Variants in GPNMB observed in about 807,000 individuals in gnomAD.
GPNMB encodes transmembrane glycoprotein NMB.
In GPNMB, 71 loss-of-function variants were observed where a neutral mutation model predicts 57.3. That is an observed-to-expected ratio of 1.24 (90% CI 1.02 to 1.51). GPNMB has a LOEUF of 1.51. GPNMB is among the 40% of genes most tolerant of loss of function. The pLI is 0.00. For missense variants in GPNMB, 677 were observed against 691.9 expected, an observed-to-expected ratio of 0.98 and a Z score of 0.24; for synonymous variants, 253 against 263.2, an observed-to-expected ratio of 0.96 and a Z score of 0.38.
At chr7:23,250,001 A>G (rs1330867875) in intron 1 of GPNMB, among the ~76,000 whole-genome samples, 1 of 152,216 alleles carries the variant, frequency 6.6e-6, no homozygotes, top group Non-Finnish European at 1.5e-5. Context: ...ATAGGGATAT[A>G]GTGATATTTC....
In GPNMB at chr7:23,260,732, C is replaced by G. The variant is rs146578444; in HGVS notation, c.977C>G (p.Pro326Arg). The G allele has an allele frequency of 6.3e-7, 1 of 1,590,064 alleles. No individual in the cohort carries two copies. The highest frequency in any genetic ancestry group is 8.6e-7 in the Non-Finnish European group (1 of 1,165,018). Residue 326 changes from proline to arginine, a missense_variant, in exon 6 of 11, where the codon CCG (proline) becomes CGG (arginine). Pro to Arg is a moderately radical substitution (Grantham distance 103). Coordinates refer to ENST00000258733, the MANE Select transcript of GPNMB (RefSeq NM_002510.3). ...KAAAPGPCPP[P>R]PPPPRPSKPT... is the part of the protein sequence containing the mutation. ...GCAGCACCAGGACCTTGTCCGCCACCGCCACCACCACCCAGACCTTCAAAA... is the reference window on the plus strand; with the variant it reads ...GCAGCACCAGGACCTTGTCCGCCACGGCCACCACCACCCAGACCTTCAAAA...
intron 6 of GPNMB, among the ~76,000 whole-genome samples, chr7:23,264,862 T>C (rs1358626857): frequency 6.6e-6 from 1 of 152,226 alleles, no homozygotes; most frequent in Admixed American, 6.5e-5. Context: ...AAATTCTGCC[T>C]GTCAAGAACT....
At chr7:23,247,145 A>T in intron 1 of GPNMB, 1 of 569,122 alleles carries the variant, frequency 1.8e-6, no homozygotes, top group South Asian at 2.0e-5. Context: ...GAAAGTAAAA[A>T]CTATGCTGCC....
At chr7:23,271,554 G>C (rs1484306679) in intron 9 of GPNMB, among the ~76,000 whole-genome samples, 1 of 152,236 alleles carries the variant, frequency 6.6e-6, no homozygotes, top group Non-Finnish European at 1.5e-5. Flanking sequence ...CCAGCACTTT[G>C]GGAGGCCAAG....
intron 1 of GPNMB, among the ~76,000 whole-genome samples, chr7:23,252,887 C>T (rs1212747427): frequency 6.6e-6 from 1 of 152,000 alleles, no homozygotes; most frequent in African/African-American, 2.4e-5. Context: ...TAGTACGTGT[C>T]GCTTGGAATC....
chr7:23,248,311 T>C (rs192304234), intron 1 of GPNMB, among the ~76,000 whole-genome samples: 1 of 152,188 alleles, frequency 6.6e-6, no homozygotes, highest in East Asian at 1.9e-4. Flanking sequence ...ATAGACCCGA[T>C]GGGGGACACC....
chr7:23,262,973 A>G, intron 6 of GPNMB, among the ~76,000 whole-genome samples: 1 of 152,188 alleles, frequency 6.6e-6, no homozygotes, highest in Admixed American at 6.5e-5. Flanking sequence ...AACTACAATT[A>G]TAACTGTATT....
intron 4 of GPNMB, 29 bp downstream of exon 4, chr7:23,257,094 T>C (rs1479235014): frequency 6.3e-7 from 1 of 1,576,736 alleles, no homozygotes; most frequent in Non-Finnish European, 8.7e-7. Context: ...CTAAGCTTCT[T>C]CTTTACCTTT....
chr7:23,249,344 A>C (rs1431086254), intron 1 of GPNMB, among the ~76,000 whole-genome samples: 1 of 152,252 alleles, frequency 6.6e-6, no homozygotes. Context: ...ATCATCATGC[A>C]AAACAGGACA....
intron 6 of GPNMB, chr7:23,266,300 C>A: frequency 3.7e-6 from 2 of 543,224 alleles, no homozygotes. Flanking sequence ...TGGGATTATG[C>A]TTCCTTACAT....
intron 6 of GPNMB, among the ~76,000 whole-genome samples, chr7:23,261,322 G>A (rs1342389863): frequency 1.3e-5 from 2 of 152,308 alleles, no homozygotes; most frequent in East Asian, 3.9e-4. Flanking sequence ...CATTAAAATT[G>A]TGCTGCATCG....
chr7:23,271,158 T>C (rs1390506123), intron 9 of GPNMB, among the ~76,000 whole-genome samples: 8 of 152,224 alleles, frequency 5.3e-5, no homozygotes. Context: ...CTCTCGCATG[T>C]GCAGTTCACA....
In GPNMB at chr7:23,260,648, C is replaced by G. The variant is rs764600305; in HGVS notation, c.893C>G (p.Thr298Ser). 6.2e-7 allele frequency: 1 copy of G among 1,613,904 alleles called. No homozygotes were observed. The highest frequency in any genetic ancestry group is 8.5e-7 in the Non-Finnish European group (1 of 1,179,798). The change falls in exon 6 of 11, where the codon ACT becomes AGT. Residue 298 changes from threonine to serine, a missense_variant. Physicochemically the swap from Thr to Ser is moderately conservative, Grantham distance 58. Coordinates refer to ENST00000258733, the MANE Select transcript of GPNMB (RefSeq NM_002510.3). ...GGCCTGTTTGTTTCCACCAATCATA[C>G]TGTGAATCACACGTATGTGCTCAAT... ...NTGLFVSTNH[T>S]VNHTYVLNGT...
intron 1 of GPNMB, among the ~76,000 whole-genome samples, chr7:23,248,352 A>G (rs1448502338): frequency 6.6e-6 from 1 of 152,100 alleles, no homozygotes; most frequent in Non-Finnish European, 1.5e-5. Context: ...TCACCAGTCC[A>G]CTTCGCTCTG....
chr7:23,260,776 A>G lies in GPNMB; in HGVS notation c.1018+3A>G. The G allele has an allele frequency of 6.5e-7, 1 of 1,530,130 alleles. No homozygotes were observed. Among genetic ancestry groups the G allele is most frequent in the Non-Finnish European group, 8.8e-7 (1 of 1,141,064 alleles). 94.8% of individuals were successfully genotyped at this position (1,530,130 alleles called of 1,614,324 possible). A position where few individuals can be genotyped will look rare whatever the true frequency, so the allele number is the denominator to read the frequency against. ...TTCAAAACCCACCCCTTCTTTAGGTAAGGTTTCGCAGTGATCTTTGAGGGA... is the reference window on the plus strand; with the variant it reads ...TTCAAAACCCACCCCTTCTTTAGGTGAGGTTTCGCAGTGATCTTTGAGGGA... On this transcript the variant is annotated splice_donor_region_variant and intron_variant, in intron 6 of 10. Transcript: ENST00000258733.
At chr7:23,267,684 G>C (rs1783098636) in intron 7 of GPNMB, among the ~76,000 whole-genome samples, 1 of 152,098 alleles carries the variant, frequency 6.6e-6, no homozygotes, top group Admixed American at 6.6e-5. Context: ...TTTCATAAGG[G>C]CATTAATCTC....
rs1783067388 is a variant in GPNMB, at chr7:23,266,538, T to C, written c.1040T>C (p.Leu347Pro). The change falls in exon 7 of 11, where the codon CTG becomes CCG. Residue 347 changes from leucine (L) to proline (P), a missense_variant. By Grantham distance (98) the Leu-to-Pro change is moderately conservative. Transcript: ENST00000258733. ...CCAGGACCTGCTGGTGACAACCCCC[T>C]GGAGCTGAGTAGGATTCCTGATGAA... The part of the protein sequence containing the change: ...PSLGPAGDNP[L>P]ELSRIPDENC... 6.2e-7 allele frequency: 1 copy of C among 1,613,424 alleles called. No homozygotes were observed. The highest frequency in any genetic ancestry group is 1.7e-5 in the Admixed American group (1 of 59,988).
At chr7:23,263,986 G>A (rs1782994814) in intron 6 of GPNMB, among the ~76,000 whole-genome samples, 1 of 151,870 alleles carries the variant, frequency 6.6e-6, no homozygotes, top group Non-Finnish European at 1.5e-5. Context: ...GACCCAGGTA[G>A]ATGTGTTTAA....
In GPNMB at chr7:23,256,953, C is replaced by G. The variant is rs199354; in HGVS notation, c.429C>G (p.Asp143Glu). Reference sequence around the variant, plus strand: ...GGACAGCATGGTCAGAGGACAGTGACGGGGAAAATGGCACCGGCCAAAGCC... The same window carrying G: ...GGACAGCATGGTCAGAGGACAGTGAGGGGGAAAATGGCACCGGCCAAAGCC... ...YNWTAWSEDS[D>E]GENGTGQSHH... The change falls in exon 4 of 11, where the codon GAC becomes GAG. Residue 143 changes from aspartate to glutamate, a missense_variant. Physicochemically the swap from Asp to Glu is conservative, Grantham distance 45. Transcript: ENST00000258733. The G allele has an allele frequency of 6.2e-7, 1 of 1,613,982 alleles. No individual in the cohort carries two copies. Among genetic ancestry groups the G allele is most frequent in the Non-Finnish European group, 8.5e-7 (1 of 1,179,906 alleles).
Sources: allele counts gnomAD v4.1 joint callset (sites outside exome capture counted in the v4.1 genomes callset), GRCh38; gene constraint gnomAD v4.1.1; transcripts MANE v1.5; gene names NCBI Gene and HGNC (gene_info 2026-07-23, HGNC 2026-07-21).